Variants in DCBLD2 observed in about 807,000 individuals in gnomAD.
DCBLD2 encodes the protein discoidin, CUB and LCCL domain-containing protein 2.
Under a neutral mutation model 86.8 loss-of-function variants are expected in DCBLD2, and 54 were observed. That is an observed-to-expected ratio of 0.62 (90% CI 0.50 to 0.78). DCBLD2 has a LOEUF of 0.78. Ranked by LOEUF, DCBLD2 falls within the 30% of genes least tolerant of loss-of-function variation. DCBLD2 has a pLI of 0.00. For missense variants in DCBLD2, 908 were observed against 954.2 expected (o/e 0.95, Z 0.64); for synonymous variants, 354 against 341.3 (o/e 1.04, Z -0.41).
At chr3:98,855,809 T>C (rs1942922087) in intron 2 of DCBLD2, among the ~76,000 whole-genome samples, 1 of 152,212 alleles carries the variant, frequency 6.6e-6, no homozygotes, top group Admixed American at 6.5e-5. Flanking sequence ...CCTTCTCTCT[T>C]ATGAAACTTC....
chr3:98,831,392 A>T (rs1942320412), intron 3 of DCBLD2, among the ~76,000 whole-genome samples: 1 of 151,626 alleles, frequency 6.6e-6, no homozygotes, highest in Admixed American at 6.6e-5. Flanking sequence ...CCTATCATTA[A>T]TTTTTTTCAA....
rs150815233 is a variant in DCBLD2 at position 98,799,635 on chromosome 3, G to A, written c.2065C>T (p.Pro689Ser). 1,480 of 1,613,960 alleles carry A rather than the reference G, an allele frequency of 9.2e-4. 11 individuals carry two copies. The African/African-American group carries it at 0.017, about 19-fold the overall frequency. The change falls in exon 16 of 16, where the codon CCC (proline) becomes TCC (serine). Residue 689 changes from proline (P) to serine (S), a missense_variant. Pro to Ser is a moderately conservative substitution (Grantham distance 74). This residue lies in a region of DCBLD2 where 606 missense variants were observed against 678.5 expected (regional missense o/e 0.89). Coordinates refer to ENST00000326840, the MANE Select transcript of DCBLD2 (RefSeq NM_080927.4). Reference sequence around the variant, plus strand: ...GAGGGCTGACCAACTGAAGTTGTGGGGTGCCCTGACATGTCCATGATGATT... The same window carrying A: ...GAGGGCTGACCAACTGAAGTTGTGGAGTGCCCTGACATGTCCATGATGATT... ...TPIIMDMSGH[P>S]TTSVGQPSTS...
Position 98,819,348 on chromosome 3 carries a change from A to C in DCBLD2, c.941T>G (p.Leu314Arg), listed in dbSNP as rs552480043. The C allele has an allele frequency of 6.2e-7, 1 of 1,613,806 alleles. No individual in the cohort carries two copies. Among genetic ancestry groups the C allele is most frequent in the South Asian group, 1.1e-5 (1 of 91,078 alleles). Residue 314 changes from leucine to arginine, a missense_variant, in exon 8 of 16, where the codon CTG (leucine) becomes CGG (arginine). By Grantham distance (102) the Leu-to-Arg change is moderately radical. Around this residue, in one of 3 missense-constraint regions of DCBLD2, gnomAD observed 606 missense variants for 678.5 expected, o/e 0.89. Coordinates refer to ENST00000326840, the MANE Select transcript of DCBLD2 (RefSeq NM_080927.4). ...ADPQITASSV[L>R]EWTDHTGQEN... ...TTGCCCTGTGTGGTCAGTCCACTCC[A>C]GCACAGATGATGCTGTTATTTGAGG...
intron 1 of DCBLD2, among the ~76,000 whole-genome samples, chr3:98,893,125 CAT>C (rs1260573926): frequency 1.3e-5 from 2 of 151,950 alleles, no homozygotes; most frequent in African/African-American, 2.4e-5. Context: ...GGAACGGAAA[CAT>C]ATAAAAATGG....
intron 3 of DCBLD2, among the ~76,000 whole-genome samples, chr3:98,844,034 G>GCACACACACACACATACA (rs1553727569): frequency 6.9e-6 from 1 of 145,526 alleles, no homozygotes; most frequent in Non-Finnish European, 1.5e-5. Context: ...AATCATGCAT[G>GCACACACACACACATACA]CACACACACA....
intron 13 of DCBLD2, among the ~76,000 whole-genome samples, chr3:98,806,801 G>T (rs1383043393): frequency 1.3e-5 from 2 of 152,138 alleles, no homozygotes; most frequent in Non-Finnish European, 2.9e-5. Context: ...AACTGCACAA[G>T]CCAGAAACCT....
At chr3:98,859,437 T>A (rs1157612381) in intron 2 of DCBLD2, among the ~76,000 whole-genome samples, 1 of 152,086 alleles carries the variant, frequency 6.6e-6, no homozygotes, top group Non-Finnish European at 1.5e-5. Context: ...CTCAAGTGGG[T>A]CCCTGACCCC....
At position 98,822,698 on chromosome 3, in the gene DCBLD2, A is replaced by G. The variant is rs753692190; in HGVS notation, c.667T>C (p.Ser223Pro). The G allele has an allele frequency of 6.3e-7, 1 of 1,597,046 alleles. No homozygotes were observed. Among genetic ancestry groups the G allele is most frequent in the Non-Finnish European group, 8.5e-7 (1 of 1,171,172 alleles). ...AGCLLPFAEI[S>P]GTIPHGYRDS... The stretch of plus-strand genomic sequence containing the variant: ...CTATATCCATGAGGAATTGTTCCAG[A>G]TATCTCAGCAAAAGGAAGCAGACAA... Residue 223 changes from serine to proline, a missense_variant, in exon 5 of 16, where the codon TCT becomes CCT. Physicochemically the swap from Ser to Pro is moderately conservative, Grantham distance 74. Coordinates refer to ENST00000326840, the MANE Select transcript of DCBLD2 (RefSeq NM_080927.4).
chr3:98,862,791 T>C (rs1490005221), intron 2 of DCBLD2, among the ~76,000 whole-genome samples: 1 of 152,178 alleles, frequency 6.6e-6, no homozygotes, highest in Admixed American at 6.5e-5. Context: ...ACTGGAAGCA[T>C]TCCCTTTGAA....
chr3:98,839,914 A>AAT (rs1942589936), intron 3 of DCBLD2, among the ~76,000 whole-genome samples: 1 of 152,232 alleles, frequency 6.6e-6, no homozygotes. Context: ...TAAAACTCTT[A>AAT]AAATCGGTGA....
chr3:98,860,392 C>T (rs923520418), intron 2 of DCBLD2, among the ~76,000 whole-genome samples: 6 of 152,036 alleles, frequency 3.9e-5, no homozygotes, highest in Admixed American at 6.6e-5. Flanking sequence ...AGATACTCCT[C>T]GAGAAGAGCA....
chr3:98,892,114 G>A (rs1943672454), intron 1 of DCBLD2, among the ~76,000 whole-genome samples: 1 of 152,082 alleles, frequency 6.6e-6, no homozygotes, highest in African/African-American at 2.4e-5. Context: ...ATAGGCTTTG[G>A]AGTCCAACAG....
At chr3:98,809,001 A>G (rs182831413) in intron 12 of DCBLD2, among the ~76,000 whole-genome samples, 1 of 152,282 alleles carries the variant, frequency 6.6e-6, no homozygotes, top group East Asian at 1.9e-4. Flanking sequence ...ATGACGTTAC[A>G]TCATAATGGC....
At chr3:98,866,758 G>A (rs898451882) in intron 2 of DCBLD2, among the ~76,000 whole-genome samples, 13 of 152,292 alleles carry the variant, frequency 8.5e-5, no homozygotes, top group African/African-American at 3.1e-4. Flanking sequence ...TGCTTTTGGT[G>A]TTTCAGACAT....
intron 3 of DCBLD2, among the ~76,000 whole-genome samples, chr3:98,846,438 A>G (rs1021048753): frequency 1.3e-5 from 2 of 152,198 alleles, no homozygotes; most frequent in Admixed American, 6.5e-5. Flanking sequence ...CAAATTAATG[A>G]GTCATTATAA....
Position 98,796,576 on chromosome 3 carries a change from T to C in DCBLD2, c.*2796A>G, listed in dbSNP as rs1360308427. 6.6e-6 allele frequency: 1 copy of C among 152,632 alleles called. No individual in the cohort carries two copies. Among genetic ancestry groups the C allele is most frequent in the Non-Finnish European group, 1.5e-5 (1 of 68,028 alleles). The allele number at this position is 152,632 out of a possible 1,614,324, so 9.5% of individuals were successfully genotyped here. ...AGATGGGGAGAGGCAAGTGTGTATG[T>C]GTTGTCATACTTACTGCATTAATTC... is the stretch of plus-strand genomic sequence containing the variant. On this transcript the variant is annotated 3_prime_UTR_variant, in exon 16 of 16. Transcript: ENST00000326840.
rs997324916 is a variant in DCBLD2 at position 98,797,606 on chromosome 3, T to C, written c.*1766A>G. The C allele has an allele frequency of 2.0e-5, 3 of 152,272 alleles. No homozygotes were observed. The highest frequency in any genetic ancestry group is 7.2e-5 in the African/African-American group (3 of 41,448). 9.4% of individuals were successfully genotyped at this position (152,272 alleles called of 1,614,324 possible). On this transcript the variant is annotated 3_prime_UTR_variant, in exon 16 of 16. Transcript: ENST00000326840. ...GTTTCAAACATTTTGAAACAAAATA[T>C]GTATTGATTCTTCAATGAATGAAAT...
rs1268537927 is a variant in DCBLD2, at chr3:98,836,862, G to A, written c.572-11496C>T. ...TCCCTCCCGGACGGGGCGGCTGGCC[G>A]GGCGGGGGGCCGACACCCCCACCTC... On this transcript the variant is annotated intron_variant, in intron 3 of 15. Coordinates refer to ENST00000326840, the MANE Select transcript of DCBLD2 (RefSeq NM_080927.4). Among the ~76,000 whole-genome samples, 7 of 66,006 alleles carry A rather than the reference G, an allele frequency of 1.1e-4. 1 individual carries two copies. Among genetic ancestry groups the A allele is most frequent in the African/African-American group, 3.5e-4 (6 of 17,312 alleles). 43.3% of individuals were successfully genotyped at this position (66,006 alleles called of 152,430 possible).
At chr3:98,882,190 T>C (rs1469858203) in intron 1 of DCBLD2, among the ~76,000 whole-genome samples, 1 of 152,182 alleles carries the variant, frequency 6.6e-6, no homozygotes, top group Non-Finnish European at 1.5e-5. Flanking sequence ...AAATAATCAA[T>C]GGTTACTTAT....
Sources: gnomAD v4.1 joint callset for allele counts (sites outside exome capture counted in the v4.1 genomes callset) on GRCh38, gnomAD v4.1.1 for gene constraint, gnomAD v4.1.1 regional missense constraint, MANE v1.5 for transcripts, NCBI Gene and HGNC (gene_info 2026-07-23, HGNC 2026-07-21) for gene names.